The following ACTL7A variants were observed in gnomAD, a reference collection of about 807,000 sequenced individuals.
ACTL7A encodes the protein actin like 7A.
Under a neutral mutation model 30.3 loss-of-function variants are expected in ACTL7A, and 27 were observed. That is an observed-to-expected ratio of 0.89 (90% CI 0.66 to 1.23). The LOEUF (loss-of-function observed/expected upper bound fraction) is 1.23, where lower values mean the gene tolerates loss of function less well. Among genes scored for constraint, ACTL7A ranks in the 50% most tolerant of loss-of-function variants. ACTL7A has a pLI of 0.00. For synonymous variants in ACTL7A, 259 were observed against 241.4 expected, an observed-to-expected ratio of 1.07 and a Z score of -0.67; for missense variants, 566 against 571.8, an observed-to-expected ratio of 0.99 and a Z score of 0.10.
chr9:108,863,176 A>T lies in ACTL7A; in HGVS notation c.854A>T (p.Asp285Val), dbSNP rs770276281. 6.2e-7 allele frequency: 1 copy of T among 1,614,070 alleles called. No individual in the cohort carries two copies. ...AAGAAATGCTGCTTTGTGGCCCTGG[A>T]TCCCATTGAGGAGAAGAAAGTCCCT... ...IKKKCCFVAL[D>V]PIEEKKVPLS... The change falls in exon 1 of 1, where the codon GAT becomes GTT. Residue 285 changes from aspartate (D) to valine (V), a missense_variant. Physicochemically the swap from Asp to Val is radical, Grantham distance 152. Transcript: ENST00000333999.
chr9:108,862,356 G>T lies in ACTL7A; in HGVS notation c.34G>T (p.Gly12Trp). 6.2e-7 allele frequency: 1 copy of T among 1,613,266 alleles called. No homozygotes were observed. Among genetic ancestry groups the T allele is most frequent in the Non-Finnish European group, 8.5e-7 (1 of 1,179,746 alleles). ...WAPPAAIMGD[G>W]PTKKVGNQAP... ...TCCACCAGCAGCAATCATGGGGGATGGGCCCACCAAGAAGGTGGGCAACCA... is the reference window on the plus strand; with the variant it reads ...TCCACCAGCAGCAATCATGGGGGATTGGCCCACCAAGAAGGTGGGCAACCA... Residue 12 changes from glycine (G) to tryptophan (W), a missense_variant, in exon 1 of 1, where the codon GGG becomes TGG. Transcript: ENST00000333999.
Position 108,863,727 on chromosome 9 carries a change from A to G in ACTL7A, c.*97A>G, listed in dbSNP as rs1827206407. 3 of 1,157,626 alleles carry G rather than the reference A, an allele frequency of 2.6e-6. No individual in the cohort carries two copies. Among genetic ancestry groups the G allele is most frequent in the Admixed American group, 5.5e-5 (2 of 36,342 alleles). 71.7% of individuals were successfully genotyped at this position (1,157,626 alleles called of 1,614,324 possible). A position where few individuals can be genotyped will look rare whatever the true frequency, so the allele number is the denominator to read the frequency against. On this transcript the variant is annotated 3_prime_UTR_variant, in exon 1 of 1. Transcript: ENST00000333999. ...GGGTGGAGCCGGCGCTTATTCCTGT[A>G]GCATTAAACACCCCTCATATGCCCC...
chr9:108,862,384 C>T lies in ACTL7A; in HGVS notation c.62C>T (p.Ala21Val), dbSNP rs541324563. The T allele has an allele frequency of 1.2e-4, 193 of 1,613,824 alleles. 2 individuals are homozygous for T. The South Asian group carries it at 2.0e-3, about 17-fold the overall frequency. The change falls in exon 1 of 1, where the codon GCC becomes GTC. Residue 21 changes from alanine to valine, a missense_variant. Coordinates refer to ENST00000333999, the MANE Select transcript of ACTL7A (RefSeq NM_006687.4). The part of the protein sequence containing the change: ...DGPTKKVGNQ[A>V]PLQTQALQTA... Reference sequence around the variant, plus strand: ...CCCACCAAGAAGGTGGGCAACCAGGCCCCCCTGCAGACACAGGCCCTCCAG... The same window carrying T: ...CCCACCAAGAAGGTGGGCAACCAGGTCCCCCTGCAGACACAGGCCCTCCAG...
Position 108,862,618 on chromosome 9 carries a change from T to A in ACTL7A, c.296T>A (p.Val99Glu). 8.7e-6 allele frequency: 14 copies of A among 1,614,166 alleles called. No individual in the cohort carries two copies. Among genetic ancestry groups the A allele is most frequent in the Non-Finnish European group, 1.2e-5 (14 of 1,180,018 alleles). ...CCCACCCACAAGATCTCAACAACGGTGGGCAAGCCCTACATGGAGACCGCC... is the reference window on the plus strand; with the variant it reads ...CCCACCCACAAGATCTCAACAACGGAGGGCAAGCCCTACATGGAGACCGCC... ...PRPTHKISTT[V>E]GKPYMETAKT... The change falls in exon 1 of 1, where the codon GTG becomes GAG. Residue 99 changes from valine (V) to glutamate (E), a missense_variant. Physicochemically the swap from Val to Glu is moderately radical, Grantham distance 121 (BLOSUM62 -2). Coordinates refer to ENST00000333999, the MANE Select transcript of ACTL7A (RefSeq NM_006687.4).
Position 108,862,581 on chromosome 9 carries a change from G to C in ACTL7A, c.259G>C (p.Gly87Arg), listed in dbSNP as rs141628854. The C allele has an allele frequency of 1.2e-6, 2 of 1,614,140 alleles. No individual in the cohort carries two copies. The highest frequency in any genetic ancestry group is 1.1e-5 in the South Asian group (1 of 91,088). Residue 87 changes from glycine (G) to arginine (R), a missense_variant, in exon 1 of 1, where the codon GGC (glycine) becomes CGC (arginine). Gly to Arg is a moderately radical substitution (Grantham distance 125, BLOSUM62 -2). Coordinates refer to ENST00000333999, the MANE Select transcript of ACTL7A (RefSeq NM_006687.4). ...GTGYCKCGFAGLPRPTHKIST... is the reference protein window; with the variant it reads ...GTGYCKCGFARLPRPTHKIST... ...TGGCTACTGTAAATGTGGCTTTGCC[G>C]GCCTGCCAAGACCCACCCACAAGAT...
Position 108,863,314 on chromosome 9 carries a change from T to G in ACTL7A, c.992T>G (p.Met331Arg), listed in dbSNP as rs1377290212. ...MFFKPSLIKS[M>R]QLGLHTQTVS... ...TTCAAGCCATCTCTCATCAAGTCCATGCAGCTGGGCCTCCACACCCAAACC... is the reference window on the plus strand; with the variant it reads ...TTCAAGCCATCTCTCATCAAGTCCAGGCAGCTGGGCCTCCACACCCAAACC... Residue 331 changes from methionine to arginine, a missense_variant, in exon 1 of 1, where the codon ATG becomes AGG. Physicochemically the swap from Met to Arg is moderately conservative, Grantham distance 91. Coordinates refer to ENST00000333999, the MANE Select transcript of ACTL7A (RefSeq NM_006687.4). The G allele has an allele frequency of 1.2e-5, 19 of 1,614,030 alleles. No homozygotes were observed. The highest frequency in any genetic ancestry group is 1.6e-5 in the Non-Finnish European group (19 of 1,180,020).
In ACTL7A at chr9:108,862,883, G is replaced by C. The variant is rs1564200751; in HGVS notation, c.561G>C (p.Leu187=). The part of the protein sequence containing the change: ...HTNREKYAEM[L]FEAFNTPAMH... ...ACAGAGAGAAATATGCTGAAATGCT[G>C]TTTGAAGCCTTCAACACCCCTGCAA... Residue 187 remains leucine, a synonymous_variant, in exon 1 of 1, where the codon CTG becomes CTC. Transcript: ENST00000333999. 3 of 1,612,794 alleles carry C rather than the reference G, an allele frequency of 1.9e-6. No individual in the cohort carries two copies. Among genetic ancestry groups the C allele is most frequent in the South Asian group, 1.1e-5 (1 of 90,830 alleles).
rs779748892 is a variant in ACTL7A at position 108,862,670 on chromosome 9, A to G, written c.348A>G (p.Thr116=). 6.2e-7 allele frequency: 1 copy of G among 1,614,204 alleles called. No homozygotes were observed. Among genetic ancestry groups the G allele is most frequent in the Admixed American group, 1.7e-5 (1 of 60,028 alleles). ...TAKTGDNRKE[T]FVGQELNNTN... is the part of the protein sequence containing the mutation. Reference sequence around the variant, plus strand: ...AGACTGGGGATAATCGCAAGGAGACATTCGTGGGGCAGGAACTCAACAACA... The same window carrying G: ...AGACTGGGGATAATCGCAAGGAGACGTTCGTGGGGCAGGAACTCAACAACA... The change falls in exon 1 of 1, where the codon ACA becomes ACG. Residue 116 remains threonine (T), a synonymous_variant. Coordinates refer to ENST00000333999, the MANE Select transcript of ACTL7A (RefSeq NM_006687.4).
Position 108,863,661 on chromosome 9 carries a change from G to A in ACTL7A, c.*31G>A. 1.3e-6 allele frequency: 2 copies of A among 1,570,934 alleles called. No individual in the cohort carries two copies. Among genetic ancestry groups the A allele is most frequent in the Non-Finnish European group, 1.7e-6 (2 of 1,156,236 alleles). On this transcript the variant is annotated 3_prime_UTR_variant, in exon 1 of 1. Transcript: ENST00000333999. The stretch of plus-strand genomic sequence containing the variant: ...GACGAGGATGGACACTGCACTGGCA[G>A]TGCCTACCCTCGACAGGGTGAGCGC...
rs773168581 is a variant in ACTL7A, at chr9:108,863,427, G to T, written c.1105G>T (p.Gly369Cys). The change falls in exon 1 of 1, where the codon GGC becomes TGC. Residue 369 changes from glycine to cysteine, a missense_variant. Coordinates refer to ENST00000333999, the MANE Select transcript of ACTL7A (RefSeq NM_006687.4). ...LLCGGSTMLS[G>C]FPNRLQKELS... ...CTGCGGGGGCAGCACGATGCTCAGT[G>T]GCTTCCCTAACCGTCTGCAGAAGGA... The T allele has an allele frequency of 3.1e-6, 5 of 1,614,052 alleles. No homozygotes were observed. The South Asian group carries it at 5.5e-5, about 18-fold the overall frequency.
chr9:108,863,616 A>G lies in ACTL7A; in HGVS notation c.1294A>G (p.Arg432Gly), dbSNP rs1286107421. ...YEEHGPFFLY[R>G]RCF Reference sequence around the variant, plus strand: ...GGAACACGGGCCTTTCTTCCTCTACAGAAGGTGCTTCTGAACAGCGACGAG... The same window carrying G: ...GGAACACGGGCCTTTCTTCCTCTACGGAAGGTGCTTCTGAACAGCGACGAG... The change falls in exon 1 of 1, where the codon AGA (arginine) becomes GGA (glycine). Residue 432 changes from arginine (R) to glycine (G), a missense_variant. Arg to Gly is a moderately radical substitution (Grantham distance 125). Transcript: ENST00000333999. The G allele has an allele frequency of 3.7e-6, 6 of 1,608,848 alleles. No homozygotes were observed. The African/African-American group carries it at 5.3e-5, about 14-fold the overall frequency.
chr9:108,863,671 T>C lies in ACTL7A; in HGVS notation c.*41T>C. The C allele has an allele frequency of 6.4e-7, 1 of 1,557,050 alleles. No homozygotes were observed. The highest frequency in any genetic ancestry group is 8.7e-7 in the Non-Finnish European group (1 of 1,147,932). On this transcript the variant is annotated 3_prime_UTR_variant, in exon 1 of 1. Coordinates refer to ENST00000333999, the MANE Select transcript of ACTL7A (RefSeq NM_006687.4). ...GACACTGCACTGGCAGTGCCTACCC[T>C]CGACAGGGTGAGCGCACTCCTACAC... is the stretch of plus-strand genomic sequence containing the variant.
At position 108,862,615 on chromosome 9, in the gene ACTL7A, C is replaced by G. The variant is rs144590040; in HGVS notation, c.293C>G (p.Thr98Arg). ...AGACCCACCCACAAGATCTCAACAA[C>G]GGTGGGCAAGCCCTACATGGAGACC... is the stretch of plus-strand genomic sequence containing the variant. ...LPRPTHKIST[T>R]VGKPYMETAK... Residue 98 changes from threonine (T) to arginine (R), a missense_variant, in exon 1 of 1, where the codon ACG becomes AGG. Coordinates refer to ENST00000333999, the MANE Select transcript of ACTL7A (RefSeq NM_006687.4). 10 of 1,614,208 alleles carry G rather than the reference C, an allele frequency of 6.2e-6. No homozygotes were observed. In the South Asian group the frequency reaches 1.1e-4, roughly 18 times the overall value.
Position 108,863,011 on chromosome 9 carries a change from A to G in ACTL7A, c.689A>G (p.Tyr230Cys). 6.2e-7 allele frequency: 1 copy of G among 1,612,966 alleles called. No individual in the cohort carries two copies. Among genetic ancestry groups the G allele is most frequent in the Non-Finnish European group, 8.5e-7 (1 of 1,179,300 alleles). The change falls in exon 1 of 1, where the codon TAC becomes TGC. Residue 230 changes from tyrosine (Y) to cysteine (C), a missense_variant. Physicochemically the swap from Tyr to Cys is radical, Grantham distance 194 (BLOSUM62 -2). Coordinates refer to ENST00000333999, the MANE Select transcript of ACTL7A (RefSeq NM_006687.4). ...GHGVSYVVPI[Y>C]EGYPLPSITG... ...GGCGTGTCCTACGTGGTCCCCATCT[A>G]CGAGGGTTATCCTTTGCCCAGCATC...
In ACTL7A at chr9:108,863,526, G is replaced by T; in HGVS notation, c.1204G>T (p.Gly402Cys). ...TGAAAGAGACAGTGCCGTGTGGACC[G>T]GTGGCTCCATCCTGGCCTCACTTCA... ...LPERDSAVWT[G>C]GSILASLQGF... Residue 402 changes from glycine to cysteine, a missense_variant, in exon 1 of 1, where the codon GGT (glycine) becomes TGT (cysteine). Transcript: ENST00000333999. 6.2e-7 allele frequency: 1 copy of T among 1,613,760 alleles called. No individual in the cohort carries two copies. Among genetic ancestry groups the T allele is most frequent in the Non-Finnish European group, 8.5e-7 (1 of 1,179,924 alleles).
Position 108,862,524 on chromosome 9 carries a change from G to A in ACTL7A, c.202G>A (p.Val68Met), listed in dbSNP as rs1400270100. ...KAAKERPKQE[V>M]TKAVVVDLGT... is the part of the protein sequence containing the mutation. ...AGCCAAGGAGAGGCCCAAGCAGGAGGTGACCAAAGCAGTGGTCGTGGACCT... is the reference window on the plus strand; with the variant it reads ...AGCCAAGGAGAGGCCCAAGCAGGAGATGACCAAAGCAGTGGTCGTGGACCT... Residue 68 changes from valine to methionine, a missense_variant, in exon 1 of 1, where the codon GTG becomes ATG. Coordinates refer to ENST00000333999, the MANE Select transcript of ACTL7A (RefSeq NM_006687.4). 2 of 1,613,992 alleles carry A rather than the reference G, an allele frequency of 1.2e-6. No homozygotes were observed. The highest frequency in any genetic ancestry group is 1.7e-5 in the Admixed American group (1 of 59,976).
In ACTL7A at chr9:108,862,753, A is replaced by T. The variant is rs540936096; in HGVS notation, c.431A>T (p.Asp144Val). 306 of 1,614,202 alleles carry T rather than the reference A, an allele frequency of 1.9e-4. 3 individuals carry two copies. In the South Asian group the frequency reaches 3.2e-3, roughly 17 times the overall value. Residue 144 changes from aspartate to valine, a missense_variant, in exon 1 of 1, where the codon GAT becomes GTT. Transcript: ENST00000333999. Reference sequence around the variant, plus strand: ...CGACATGGCATCATCGTGGACTGGGATACAGTGCAGGATATCTGGGAATAT... The same window carrying T: ...CGACATGGCATCATCGTGGACTGGGTTACAGTGCAGGATATCTGGGAATAT... The part of the protein sequence containing the change: ...PLRHGIIVDW[D>V]TVQDIWEYLF...
In ACTL7A at chr9:108,863,049, G is replaced by A; in HGVS notation, c.727G>A (p.Asp243Asn). The A allele has an allele frequency of 6.2e-7, 1 of 1,614,086 alleles. No individual in the cohort carries two copies. Among genetic ancestry groups the A allele is most frequent in the Non-Finnish European group, 8.5e-7 (1 of 1,180,016 alleles). Residue 243 changes from aspartate to asparagine, a missense_variant, in exon 1 of 1, where the codon GAC becomes AAC. Asp to Asn is a conservative substitution (Grantham distance 23, BLOSUM62 1). Coordinates refer to ENST00000333999, the MANE Select transcript of ACTL7A (RefSeq NM_006687.4). ...TTTGCCCAGCATCACCGGAAGGCTGGACTACGCGGGCTCTGACCTGACAGC... is the reference window on the plus strand; with the variant it reads ...TTTGCCCAGCATCACCGGAAGGCTGAACTACGCGGGCTCTGACCTGACAGC... ...YPLPSITGRL[D>N]YAGSDLTAYL... is the part of the protein sequence containing the mutation.
At position 108,863,740 on chromosome 9, in the gene ACTL7A, C is replaced by T; in HGVS notation, c.*110C>T. On this transcript the variant is annotated 3_prime_UTR_variant, in exon 1 of 1. Coordinates refer to ENST00000333999, the MANE Select transcript of ACTL7A (RefSeq NM_006687.4). The stretch of plus-strand genomic sequence containing the variant: ...GCTTATTCCTGTAGCATTAAACACC[C>T]CTCATATGCCCCTCCACAGTGTGTT... The T allele has an allele frequency of 1.0e-6, 1 of 954,010 alleles. No individual in the cohort carries two copies. Among genetic ancestry groups the T allele is most frequent in the Non-Finnish European group, 1.5e-6 (1 of 651,098 alleles). The allele number at this position is 954,010 out of a possible 1,614,324, so 59.1% of individuals were successfully genotyped here. A position where few individuals can be genotyped will look rare whatever the true frequency, so the allele number is the denominator to read the frequency against.
Sources: gnomAD v4.1 joint callset for allele counts on GRCh38, gnomAD v4.1.1 for gene constraint, MANE v1.5 for transcripts, NCBI Gene and HGNC (gene_info 2026-07-23, HGNC 2026-07-21) for gene names.